ARFGEF3: variants seen among roughly 807,000 people sequenced by gnomAD.
ARFGEF3 encodes the protein ARFGEF family member 3.
A neutral mutation model predicts 221.7 loss-of-function variants in ARFGEF3; 96 were observed. The observed-to-expected ratio is 0.43, with a 90% CI of 0.37 to 0.51. The LOEUF (loss-of-function observed/expected upper bound fraction) is 0.51. Among genes scored for constraint, ARFGEF3 ranks in the 20% least tolerant of loss-of-function variants. The pLI is 0.00. For missense variants in ARFGEF3, 2,410 were observed against 2,789.9 expected (o/e 0.86, Z 3.07); for synonymous variants, 1,145 against 1,126.8 (o/e 1.02, Z -0.32).
chr6:138,269,174 G>A (rs1345835395), intron 12 of ARFGEF3, among the ~76,000 whole-genome samples: 1 of 152,228 alleles, frequency 6.6e-6, no homozygotes, highest in Non-Finnish European at 1.5e-5. Context: ...GTACTACCAG[G>A]CGGTGGGCAG....
intron 22 of ARFGEF3, among the ~76,000 whole-genome samples, chr6:138,300,080 C>G (rs1001243495): frequency 2.0e-5 from 3 of 151,784 alleles, no homozygotes; most frequent in African/African-American, 7.3e-5. Context: ...CACAAGAAAA[C>G]AAGGCAACGG....
At chr6:138,243,226 G>A (rs1401339330) in intron 7 of ARFGEF3, among the ~76,000 whole-genome samples, 3 of 152,144 alleles carry the variant, frequency 2.0e-5, no homozygotes, top group Admixed American at 2.0e-4. Flanking sequence ...AACTACCTGA[G>A]GGAAATTAAC....
In ARFGEF3 at chr6:138,263,534, T is replaced by C; in HGVS notation, c.2051T>C (p.Leu684Pro). 1 of 1,613,330 alleles carries C rather than the reference T, an allele frequency of 6.2e-7. No homozygotes were observed. The highest frequency in any genetic ancestry group is 8.5e-7 in the Non-Finnish European group (1 of 1,179,844). The part of the protein sequence containing the change: ...RLFIQSLEGL[L>P]PRLLSLSNVE... ...TTCATACAGTCCCTGGAAGGCCTCC[T>C]CCCTCGGCTCCTGTCTCTCTCCAAT... Residue 684 changes from leucine (L) to proline (P), a missense_variant, in exon 12 of 34, where the codon CTC becomes CCC. This residue lies in a region of ARFGEF3 where 594 missense variants were observed against 734.3 expected (regional missense o/e 0.81). Transcript: ENST00000251691.
chr6:138,224,066 A>G (rs1778032830), intron 4 of ARFGEF3, among the ~76,000 whole-genome samples: 1 of 152,204 alleles, frequency 6.6e-6, no homozygotes, highest in Non-Finnish European at 1.5e-5. Context: ...TAGTGTGGCC[A>G]TGGAGCTGCT....
intron 6 of ARFGEF3, among the ~76,000 whole-genome samples, chr6:138,241,049 A>G (rs1157558173): frequency 1.3e-5 from 2 of 152,222 alleles, no homozygotes; most frequent in African/African-American, 2.4e-5. Context: ...AGATGCTGCT[A>G]CTAGCGTTAT....
intron 28 of ARFGEF3, among the ~76,000 whole-genome samples, chr6:138,320,602 A>G (rs1004267199): frequency 1.3e-5 from 2 of 152,222 alleles, no homozygotes; most frequent in African/African-American, 4.8e-5. Context: ...TGGAGAGGAC[A>G]GAGAAACTAA....
intron 32 of ARFGEF3, among the ~76,000 whole-genome samples, chr6:138,330,063 A>G (rs546999184): frequency 4.1e-4 from 63 of 152,220 alleles, no homozygotes; most frequent in Middle Eastern, 6.8e-3. Flanking sequence ...AGGAGAAGGA[A>G]TTTCACAAGA....
chr6:138,186,103 C>T (rs1341210677), intron 2 of ARFGEF3, among the ~76,000 whole-genome samples: 2 of 152,132 alleles, frequency 1.3e-5, no homozygotes, highest in Admixed American at 1.3e-4. Context: ...TGTTGAATAT[C>T]TGTCGTTTAG....
intron 6 of ARFGEF3, among the ~76,000 whole-genome samples, chr6:138,240,359 A>T (rs1778371391): frequency 6.6e-6 from 1 of 152,258 alleles, no homozygotes; most frequent in Non-Finnish European, 1.5e-5. Flanking sequence ...CATTTAAATC[A>T]AACTTTGTAA....
intron 2 of ARFGEF3, among the ~76,000 whole-genome samples, chr6:138,176,905 TTTTC>T (rs1241087823): frequency 1.3e-5 from 2 of 152,062 alleles, no homozygotes; most frequent in East Asian, 3.9e-4. Context: ...CGACATTTTC[TTTTC>T]TTTGTTTTTC....
intron 18 of ARFGEF3, among the ~76,000 whole-genome samples, chr6:138,290,749 G>T (rs865995728): frequency 6.6e-6 from 1 of 152,168 alleles, no homozygotes; most frequent in East Asian, 1.9e-4. Context: ...CCAAACCCAG[G>T]TCTAGGCAGA....
chr6:138,173,527 T>C (rs9484123), intron 2 of ARFGEF3, among the ~76,000 whole-genome samples: 1 of 152,318 alleles, frequency 6.6e-6, no homozygotes, highest in Non-Finnish European at 1.5e-5. Flanking sequence ...ATGTTTAAAA[T>C]TGTTGGGCGC....
intron 17 of ARFGEF3, among the ~76,000 whole-genome samples, chr6:138,288,953 CA>C (rs1779347902): frequency 6.7e-6 from 1 of 149,844 alleles, no homozygotes; most frequent in Non-Finnish European, 1.5e-5. Flanking sequence ...TAGTCATCTA[CA>C]ATTTTTTTTT....
intron 22 of ARFGEF3, among the ~76,000 whole-genome samples, 189 bp downstream of exon 22, chr6:138,298,974 C>A (rs756212987): frequency 6.6e-6 from 1 of 151,942 alleles, no homozygotes. Context: ...CCAAGGTGGG[C>A]GGATCACGAG....
At chr6:138,312,298 CTCTCAATATTT>C (rs1260489427) in intron 25 of ARFGEF3, among the ~76,000 whole-genome samples, 1 of 152,176 alleles carries the variant, frequency 6.6e-6, no homozygotes, top group Non-Finnish European at 1.5e-5. Context: ...TGACACCCCT[CTCTCAATATTT>C]TCTCACCTGT....
rs772769098 is a variant in ARFGEF3 at position 138,296,931 on chromosome 6, C to A, written c.3624C>A (p.Ser1208Arg). ...TGCTCCACGTGATGCGCTGCTGGAG[C>A]CTTGTGGCCCCACACCTGGTGGAGG... ...RPLLHVMRCW[S>R]LVAPHLVEAA... Residue 1208 changes from serine (S) to arginine (R), a missense_variant, in exon 21 of 34, where the codon AGC becomes AGA. Ser to Arg is a moderately radical substitution (Grantham distance 110). This residue lies in a region of ARFGEF3 where 723 missense variants were observed against 991.9 expected (regional missense o/e 0.73). Transcript: ENST00000251691. The A allele has an allele frequency of 4.3e-6, 7 of 1,613,294 alleles. No homozygotes were observed. In the Admixed American group the frequency reaches 5.0e-5, roughly 12 times the overall value.
At chr6:138,171,499 G>C (rs1281412267) in intron 2 of ARFGEF3, among the ~76,000 whole-genome samples, 1 of 152,186 alleles carries the variant, frequency 6.6e-6, no homozygotes. Flanking sequence ...ACAGCCACAT[G>C]TAGCAGCCCA....
intron 10 of ARFGEF3, among the ~76,000 whole-genome samples, chr6:138,258,399 T>TGAG (rs1778724461): frequency 6.6e-6 from 1 of 152,208 alleles, no homozygotes; most frequent in African/African-American, 2.4e-5. Flanking sequence ...ATGGGAAAGC[T>TGAG]GAGGCTCTGG....
At chr6:138,222,241 G>A (rs1777996009) in intron 4 of ARFGEF3, among the ~76,000 whole-genome samples, 3 of 151,892 alleles carry the variant, frequency 2.0e-5, no homozygotes, top group South Asian at 2.1e-4. Context: ...TAACACTACC[G>A]ATAGCTGATG....
Sources: allele counts gnomAD v4.1 joint callset (sites outside exome capture counted in the v4.1 genomes callset), GRCh38; gene constraint gnomAD v4.1.1; regional missense constraint gnomAD v4.1.1; transcripts MANE v1.5; gene names NCBI Gene and HGNC (gene_info 2026-07-23, HGNC 2026-07-21).